The following MFSD6 variants were observed in gnomAD, a reference collection of about 807,000 sequenced individuals.
The protein encoded by MFSD6 is major facilitator superfamily domain-containing protein 6.
Under a neutral mutation model 56.3 loss-of-function variants are expected in MFSD6, and 26 were observed. That is an observed-to-expected ratio of 0.46 (90% CI 0.34 to 0.64). The LOEUF is 0.64. MFSD6 is among the 30% of genes least tolerant of loss of function. MFSD6 has a pLI of 0.01. For synonymous variants in MFSD6, 331 were observed against 366.9 expected, an observed-to-expected ratio of 0.90 and a Z score of 1.12; for missense variants, 750 against 986.2, an observed-to-expected ratio of 0.76 and a Z score of 3.21.
chr2:190,435,851 T>C, intron 2 of MFSD6, 126 bp from the exon 3 acceptor site: 1 of 837,238 alleles, frequency 1.2e-6, no homozygotes, highest in Non-Finnish European at 1.8e-6. Context: ...AAGTGATAAA[T>C]GATGAGAATT....
intron 2 of MFSD6, among the ~76,000 whole-genome samples, chr2:190,430,818 G>T (rs374523031): frequency 7.9e-6 from 1 of 127,296 alleles, no homozygotes; most frequent in African/African-American, 2.9e-5. Context: ...CCTCCCTCCC[G>T]GACGGGGCGG....
chr2:190,501,606 C>T lies in MFSD6; in HGVS notation c.*1388C>T, dbSNP rs1464407758. On this transcript the variant is annotated 3_prime_UTR_variant, in exon 8 of 8. Transcript: ENST00000392328. ...AAGAACAGTCGAAATGAGCAACTCA[C>T]CTTACCCTCTGACCCTGATTAGACA... is the stretch of plus-strand genomic sequence containing the variant. 6.6e-6 allele frequency: 1 copy of T among 152,404 alleles called. No homozygotes were observed. The highest frequency in any genetic ancestry group is 1.5e-5 in the Non-Finnish European group (1 of 68,066). The allele number at this position is 152,404 out of a possible 1,614,324, so 9.4% of individuals were successfully genotyped here.
Position 190,470,728 on chromosome 2 carries a change from A to G in MFSD6, c.1630+873A>G, listed in dbSNP as rs183275073. On this transcript the variant is annotated intron_variant, in intron 4 of 7. Transcript: ENST00000392328. ...GGTGTAATCAATGTGATTAATTGTC[A>G]TGATGAAAGATTGAGAATTTCAGTC... Among the ~76,000 whole-genome samples, 35 of 152,324 alleles carry G rather than the reference A, an allele frequency of 2.3e-4. 1 individual carries two copies. The South Asian group carries it at 3.3e-3, about 14-fold the overall frequency.
chr2:190,421,305 G>C (rs1367216224), intron 2 of MFSD6, among the ~76,000 whole-genome samples: 1 of 152,180 alleles, frequency 6.6e-6, no homozygotes, highest in Non-Finnish European at 1.5e-5. Context: ...CCCCTGATTA[G>C]AATTGATGTG....
chr2:190,468,785 G>C (rs575111686), intron 3 of MFSD6, among the ~76,000 whole-genome samples: 2 of 152,170 alleles, frequency 1.3e-5, no homozygotes, highest in African/African-American at 2.4e-5. Flanking sequence ...TAAAAAGCAA[G>C]ATTAGGAAAA....
At chr2:190,455,349 C>T (rs1470054192) in intron 3 of MFSD6, among the ~76,000 whole-genome samples, 1 of 152,032 alleles carries the variant, frequency 6.6e-6, no homozygotes, top group Non-Finnish European at 1.5e-5. Flanking sequence ...CTTTGTGAAA[C>T]AAGATTTTAA....
Position 190,496,254 on chromosome 2 carries a change from G to C in MFSD6, c.1892-1185G>C, listed in dbSNP as rs147604068. 8.0e-3 allele frequency among the ~76,000 whole-genome samples: 1,221 copies of C among 152,116 alleles called. 23 individuals carry two copies. Among genetic ancestry groups the C allele is most frequent in the African/African-American group, 0.027 (1,105 of 41,508 alleles). On this transcript the variant is annotated intron_variant, in intron 6 of 7. Coordinates refer to ENST00000392328, the MANE Select transcript of MFSD6 (RefSeq NM_017694.4). This position sits in a 1 kb window ranked among gnomAD's most constrained non-coding sequence, Gnocchi z 4.7. ...CAATGGTCAACATCACTAGTGATCA[G>C]GGAAATGCAAATCAAAACCACAATG...
At position 190,492,703 on chromosome 2, in the gene MFSD6, T is replaced by C. The variant is rs531108359; in HGVS notation, c.1891+2837T>C. Reference sequence around the variant, plus strand: ...AATTTTGTATCCAGTGAAACTAAGCTTCATAAATAAAGGAAAGATACAGTC... The same window carrying C: ...AATTTTGTATCCAGTGAAACTAAGCCTCATAAATAAAGGAAAGATACAGTC... On this transcript the variant is annotated intron_variant, in intron 6 of 7. Transcript: ENST00000392328. The surrounding 1 kb of genome is among the most constrained non-coding windows in gnomAD (Gnocchi z 5.2). Among the ~76,000 whole-genome samples, 1 of 152,060 alleles carries C rather than the reference T, an allele frequency of 6.6e-6. No individual in the cohort carries two copies. Among genetic ancestry groups the C allele is most frequent in the African/African-American group, 2.4e-5 (1 of 41,494 alleles).
intron 4 of MFSD6, among the ~76,000 whole-genome samples, chr2:190,472,437 A>G (rs909372768): frequency 1.3e-5 from 2 of 152,248 alleles, no homozygotes; most frequent in African/African-American, 4.8e-5. Context: ...ATAGGTGACA[A>G]ATGCACAAGC....
At position 190,457,338 on chromosome 2, in the gene MFSD6, TCTAA is replaced by T. The variant is rs1357345174; in HGVS notation, c.1533-12417_1533-12414del. 1.3e-5 allele frequency among the ~76,000 whole-genome samples: 2 copies of T among 152,106 alleles called. No individual in the cohort carries two copies. Among genetic ancestry groups the T allele is most frequent in the Non-Finnish European group, 2.9e-5 (2 of 68,018 alleles). On this transcript the variant is annotated intron_variant, in intron 3 of 7. Coordinates refer to ENST00000392328, the MANE Select transcript of MFSD6 (RefSeq NM_017694.4). The surrounding 1 kb of genome is among the most constrained non-coding windows in gnomAD (Gnocchi z 5.1). ...CTCCTTTCAGTTCTGACTCTAATGA[TCTAA>T]CTTTCTTCTTTGGCTGGTTTTAGTA...
Position 190,497,033 on chromosome 2 carries a change from C to A in MFSD6, c.1892-406C>A, listed in dbSNP as rs1368523972. Among the ~76,000 whole-genome samples, 2 of 152,078 alleles carry A rather than the reference C, an allele frequency of 1.3e-5. No individual in the cohort carries two copies. The highest frequency in any genetic ancestry group is 3.9e-4 in the East Asian group (2 of 5,190). On this transcript the variant is annotated intron_variant, in intron 6 of 7. Transcript: ENST00000392328. The surrounding 1 kb of genome is among the most constrained non-coding windows in gnomAD (Gnocchi z 5.2). ...AGAGAACTTACGTAACCAAATACCA[C>A]CTGTTCCCCAAAAACCTGTGGGAAT...
At chr2:190,449,140 C>T (rs1686683797) in intron 3 of MFSD6, among the ~76,000 whole-genome samples, 1 of 152,146 alleles carries the variant, frequency 6.6e-6, no homozygotes, top group African/African-American at 2.4e-5. Context: ...GTCTTATTTT[C>T]TTCTCTTTAA....
chr2:190,472,496 G>T (rs1055883242), intron 4 of MFSD6, among the ~76,000 whole-genome samples: 1 of 152,170 alleles, frequency 6.6e-6, no homozygotes, highest in Non-Finnish European at 1.5e-5. Flanking sequence ...AGTGATGGAA[G>T]ATCAAATGAA....
Position 190,436,427 on chromosome 2 carries a change from T to C in MFSD6, c.398T>C (p.Ile133Thr), listed in dbSNP as rs1342074823. Residue 133 changes from isoleucine (I) to threonine (T), a missense_variant, in exon 3 of 8, where the codon ATT (isoleucine) becomes ACT (threonine). Physicochemically the swap from Ile to Thr is moderately conservative, Grantham distance 89. Transcript: ENST00000392328. This position sits in a 1 kb window ranked among gnomAD's most constrained non-coding sequence, Gnocchi z 5.3. Reference protein sequence around the residue: ...VVADRFKKGKIVLLFSLLCWV... With the variant: ...VVADRFKKGKTVLLFSLLCWV... ...GCAGACCGCTTTAAAAAAGGCAAAA[T>C]TGTCCTCCTCTTTTCTCTTTTGTGT... 1.9e-6 allele frequency: 3 copies of C among 1,614,016 alleles called. No individual in the cohort carries two copies. Among genetic ancestry groups the C allele is most frequent in the Non-Finnish European group, 1.7e-6 (2 of 1,180,018 alleles).
At chr2:190,441,730 T>G (rs1686385687) in intron 3 of MFSD6, among the ~76,000 whole-genome samples, 1 of 152,076 alleles carries the variant, frequency 6.6e-6, no homozygotes, top group African/African-American at 2.4e-5. Flanking sequence ...CCTTGTCTCC[T>G]CAGCTCTAGA....
intron 4 of MFSD6, among the ~76,000 whole-genome samples, chr2:190,486,890 G>GA (rs1689041570): frequency 6.6e-6 from 1 of 152,158 alleles, no homozygotes; most frequent in Admixed American, 6.5e-5. Context: ...GTGTCTTAAT[G>GA]AAGGTTTTAA....
intron 3 of MFSD6, among the ~76,000 whole-genome samples, chr2:190,441,087 A>G (rs1461445308): frequency 2.6e-5 from 4 of 152,176 alleles, no homozygotes; most frequent in African/African-American, 4.8e-5. Context: ...AAGGAAGATC[A>G]TGCCTACTTT....
At position 190,463,553 on chromosome 2, in the gene MFSD6, C is replaced by A. The variant is rs1006813572; in HGVS notation, c.1533-6205C>A. Among the ~76,000 whole-genome samples, 3 of 152,140 alleles carry A rather than the reference C, an allele frequency of 2.0e-5. No individual in the cohort carries two copies. Among genetic ancestry groups the A allele is most frequent in the African/African-American group, 7.2e-5 (3 of 41,438 alleles). On this transcript the variant is annotated intron_variant, in intron 3 of 7. Coordinates refer to ENST00000392328, the MANE Select transcript of MFSD6 (RefSeq NM_017694.4). This position sits in a 1 kb window ranked among gnomAD's most constrained non-coding sequence, Gnocchi z 4.4. ...GGATAATCTGGGGCCAGGTGGATGG[C>A]TCATGCCTATAATCCCAGCAACTTT...
In MFSD6 at chr2:190,416,590, C is replaced by G. The variant is rs1258930919; in HGVS notation, c.-54+1177C>G. On this transcript the variant is annotated intron_variant, in intron 2 of 7. Transcript: ENST00000392328. The surrounding 1 kb of genome is among the most constrained non-coding windows in gnomAD (Gnocchi z 4.1). ...TTCATGAGCACAGATGGATGAAATA[C>G]TAGCCTAGTTCAAGGGTGGTGCCAA... Among the ~76,000 whole-genome samples the G allele has an allele frequency of 6.6e-6, 1 of 152,166 alleles. No individual in the cohort carries two copies. The highest frequency in any genetic ancestry group is 1.5e-5 in the Non-Finnish European group (1 of 68,040).
Sources: allele counts gnomAD v4.1 joint callset (sites outside exome capture counted in the v4.1 genomes callset), GRCh38; gene constraint gnomAD v4.1.1; non-coding constraint Gnocchi (gnomAD v3.1); transcripts MANE v1.5; gene names NCBI Gene and HGNC (gene_info 2026-07-23, HGNC 2026-07-21).